The following FBXL13 variants were observed in gnomAD, a reference collection of about 807,000 sequenced individuals.
FBXL13 encodes F-box and leucine rich repeat protein 13.
Under a neutral mutation model 83.6 loss-of-function variants are expected in FBXL13, and 67 were observed. The ratio of observed to expected loss-of-function variants is 0.80; its 90% confidence interval spans 0.66 to 0.98. FBXL13 has a LOEUF of 0.98. FBXL13 is among the 50% of genes least tolerant of loss of function. The pLI is 0.00. For missense variants in FBXL13, 822 were observed against 866.5 expected (o/e 0.95, Z 0.64); for synonymous variants, 272 against 299.5 (o/e 0.91, Z 0.95).
chr7:103,052,476 C>T (rs945411735), intron 2 of FBXL13, among the ~76,000 whole-genome samples: 4 of 152,158 alleles, frequency 2.6e-5, no homozygotes, highest in East Asian at 1.9e-4. Context: ...TTTTCTCTGA[C>T]GGTGGAGGAG....
intron 6 of FBXL13, among the ~76,000 whole-genome samples, chr7:102,981,986 C>T (rs369951172): frequency 1.4e-4 from 22 of 152,228 alleles, no homozygotes; most frequent in Admixed American, 3.3e-4. Flanking sequence ...GGGCAGATCA[C>T]GAGGTCAATG....
intron 2 of FBXL13, among the ~76,000 whole-genome samples, chr7:103,034,967 T>C (rs1280169022): frequency 6.6e-6 from 1 of 152,214 alleles, no homozygotes; most frequent in African/African-American, 2.4e-5. Flanking sequence ...GGAAAACGAA[T>C]TAAAAGTTTA....
At chr7:102,832,963 T>C in exon 18 of FBXL13, 1 of 1,614,124 alleles carries the variant, frequency 6.2e-7, no homozygotes, top group Non-Finnish European at 8.5e-7. Context: ...TCAGTGAGCT[T>C]TTGCAGAATG....
chr7:102,963,644 T>A (rs755708001), exon 8 of FBXL13: 1 of 1,600,956 alleles, frequency 6.2e-7, no homozygotes, highest in Non-Finnish European at 8.5e-7. Context: ...GGAATCACAT[T>A]TTTCACTGAG....
chr7:102,927,974 A>T, intron 9 of FBXL13, among the ~76,000 whole-genome samples: 1 of 152,230 alleles, frequency 6.6e-6, no homozygotes, highest in Non-Finnish European at 1.5e-5. Flanking sequence ...CAAGGAAAGG[A>T]GAAAGAGCTC....
At chr7:103,023,909 T>C (rs1793517055) in intron 6 of FBXL13, among the ~76,000 whole-genome samples, 1 of 152,016 alleles carries the variant, frequency 6.6e-6, no homozygotes, top group South Asian at 2.1e-4. Flanking sequence ...CACTTACAAG[T>C]GGAAGCTAAA....
chr7:102,895,599 T>C (rs1434589606), intron 11 of FBXL13, among the ~76,000 whole-genome samples: 1 of 152,188 alleles, frequency 6.6e-6, no homozygotes, highest in Admixed American at 6.5e-5. Context: ...CCTGGCTTCC[T>C]GCAGAGGGCC....
rs184672411 is a variant in FBXL13 at position 103,068,151 on chromosome 7, G to A, written c.-105+6095C>T. On this transcript the variant is annotated intron_variant, in intron 1 of 19. Coordinates refer to ENST00000313221, the Ensembl canonical transcript of FBXL13. ...TGGAAGAAAGGTCAAGGATGTGAAC[G>A]GAACATCCCTGTGAATACTGCGGGC... 1.9e-3 allele frequency among the ~76,000 whole-genome samples: 288 copies of A among 148,128 alleles called. 2 individuals are homozygous for A. Among genetic ancestry groups the A allele is most frequent in the Admixed American group, 0.016 (234 of 15,084 alleles).
chr7:102,909,073 G>A (rs1035388994), intron 11 of FBXL13, among the ~76,000 whole-genome samples: 3 of 152,218 alleles, frequency 2.0e-5, no homozygotes, highest in African/African-American at 7.2e-5. Context: ...TCTACTTGGT[G>A]TTCTATTGCA....
intron 1 of FBXL13, among the ~76,000 whole-genome samples, chr7:103,072,606 G>T (rs1585671845): frequency 1.3e-5 from 2 of 152,072 alleles, no homozygotes; most frequent in African/African-American, 4.8e-5. Flanking sequence ...GTCCATTTCT[G>T]CCACCTGCTC....
chr7:103,029,627 A>G (rs1279187466), intron 2 of FBXL13, among the ~76,000 whole-genome samples: 1 of 152,134 alleles, frequency 6.6e-6, no homozygotes, highest in Non-Finnish European at 1.5e-5. Context: ...TTAAGTTAAA[A>G]TAACAGCTTA....
intron 16 of FBXL13, among the ~76,000 whole-genome samples, chr7:102,857,124 T>C (rs1806153189): frequency 6.6e-6 from 1 of 152,108 alleles, no homozygotes; most frequent in Non-Finnish European, 1.5e-5. Context: ...CCTGAAACGA[T>C]AGAGCTATTA....
chr7:102,820,389 G>A (rs1042872496), intron 19 of FBXL13, among the ~76,000 whole-genome samples: 8 of 152,240 alleles, frequency 5.3e-5, no homozygotes, highest in Admixed American at 3.9e-4. Flanking sequence ...GCTATAGCTG[G>A]TTAATTAGAG....
chr7:102,845,387 G>A (rs1342340722), intron 17 of FBXL13, among the ~76,000 whole-genome samples: 1 of 152,150 alleles, frequency 6.6e-6, no homozygotes, highest in Non-Finnish European at 1.5e-5. Context: ...AGCCCTTTAA[G>A]GAGCTCTGTG....
chr7:102,842,168 G>A (rs941233433), intron 17 of FBXL13, among the ~76,000 whole-genome samples: 2 of 152,164 alleles, frequency 1.3e-5, no homozygotes, highest in South Asian at 2.1e-4. Context: ...CCATACAAGA[G>A]ATTTCAGAGC....
intron 3 of FBXL13, 76 bp from the exon 5 acceptor site, chr7:103,028,824 A>G: frequency 8.1e-7 from 1 of 1,229,784 alleles, no homozygotes; most frequent in East Asian, 2.9e-5. Context: ...ATTAAGGAGA[A>G]CAAAGAATGA....
rs78684045 is a variant in FBXL13 at position 102,926,335 on chromosome 7, C to T, written c.817G>A (p.Val273Ile). ...GTGTTAGACAGATTGAGACACAGGA[C>T]CCCCGGGCAGCCCTCAGAAATGTGT... Residue 273 changes from valine to isoleucine, a missense_variant, in exon 10 of 20, where the codon GTC becomes ATC. By Grantham distance (29) the Val-to-Ile change is conservative. Coordinates refer to ENST00000313221, the Ensembl canonical transcript of FBXL13. The T allele has an allele frequency of 2.1e-5, 34 of 1,613,774 alleles. No individual in the cohort carries two copies. In the East Asian group the frequency reaches 7.1e-4, roughly 34 times the overall value.
rs183278180 is a variant in FBXL13 at position 102,917,071 on chromosome 7, T to C, written c.879-3856A>G. Among the ~76,000 whole-genome samples, 8 of 152,292 alleles carry C rather than the reference T, an allele frequency of 5.3e-5. 1 individual carries two copies. In the Middle Eastern group the frequency reaches 0.02, roughly 389 times the overall value. On this transcript the variant is annotated intron_variant, in intron 10 of 19. Transcript: ENST00000313221. ...TACTCTGTAAAAGAGGGAATTTGCA[T>C]GTGGATTCTTTTGAGTTGAGTGTTG... is the stretch of plus-strand genomic sequence containing the variant.
chr7:103,020,985 T>G (rs1437355540), intron 6 of FBXL13, among the ~76,000 whole-genome samples: 2 of 152,160 alleles, frequency 1.3e-5, no homozygotes, highest in African/African-American at 2.4e-5. Context: ...AAAACTACTT[T>G]AAAGTTCGTA....
Sources: gnomAD v4.1 joint callset for allele counts (sites outside exome capture counted in the v4.1 genomes callset) on GRCh38, gnomAD v4.1.1 for gene constraint, MANE v1.5 for transcripts, NCBI Gene and HGNC (gene_info 2026-07-23, HGNC 2026-07-21) for gene names.